Variants in EEF1E1 observed in about 807,000 individuals in gnomAD.
The protein encoded by EEF1E1 is eukaryotic translation elongation factor 1 epsilon 1.
EEF1E1 carries 19 observed loss-of-function variants against 19.9 expected under a neutral mutation model. The observed-to-expected ratio is 0.95, with a 90% CI of 0.66 to 1.40. EEF1E1 has a LOEUF of 1.40. Ranked by LOEUF, EEF1E1 falls within the 40% of genes most tolerant of loss-of-function variation. The probability of loss-of-function intolerance (pLI) is 0.00; values close to 1 mark genes in which losing one functional copy is unlikely to be tolerated. For missense variants in EEF1E1, 198 were observed against 202.2 expected, an observed-to-expected ratio of 0.98 and a Z score of 0.13; for synonymous variants, 81 against 80.0, an observed-to-expected ratio of 1.01 and a Z score of -0.07.
intron 2 of EEF1E1, among the ~76,000 whole-genome samples, chr6:8,093,325 T>A (rs1455220601): frequency 2.6e-4 from 3 of 11,756 alleles, no homozygotes; most frequent in Non-Finnish European, 1.5e-4. Flanking sequence ...ATTCGCTTCC[T>A]TTTTTTTTTT....
At chr6:8,074,334 T>C (rs563414483) in intron 3 of EEF1E1, among the ~76,000 whole-genome samples, 106 of 152,310 alleles carry the variant, frequency 7.0e-4, no homozygotes, top group Non-Finnish European at 1.3e-3. Flanking sequence ...TTTACACTTA[T>C]ACTTTTCTCA....
Position 8,097,476 on chromosome 6 carries a change from G to C in EEF1E1, c.88-9C>G. 6.3e-7 allele frequency: 1 copy of C among 1,595,982 alleles called. No homozygotes were observed. The highest frequency in any genetic ancestry group is 8.5e-7 in the Non-Finnish European group (1 of 1,172,692). ...GTCTGAAGAACTGGAATCTTAAAAA[G>C]AAAAAAAAGTTCACAGAATTTAAAA... is the stretch of plus-strand genomic sequence containing the variant. On this transcript the variant is annotated splice_polypyrimidine_tract_variant and intron_variant, in intron 1 of 3. Coordinates refer to ENST00000379715, the MANE Select transcript of EEF1E1 (RefSeq NM_004280.5).
chr6:8,093,496 T>G (rs1221332451), intron 2 of EEF1E1, among the ~76,000 whole-genome samples: 1 of 152,062 alleles, frequency 6.6e-6, no homozygotes, highest in Non-Finnish European at 1.5e-5. Flanking sequence ...CCATCTAGAC[T>G]CAACAAATGT....
intron 3 of EEF1E1, among the ~76,000 whole-genome samples, chr6:8,087,258 C>G (rs1757884498): frequency 6.6e-6 from 1 of 152,224 alleles, no homozygotes; most frequent in African/African-American, 2.4e-5. Context: ...ACTCTTGTCG[C>G]CCAAGCTGGA....
At chr6:8,099,004 A>G (rs560530042) in intron 1 of EEF1E1, among the ~76,000 whole-genome samples, 113 of 152,328 alleles carry the variant, frequency 7.4e-4, no homozygotes, top group Non-Finnish European at 1.3e-3. Flanking sequence ...GATAATAAAA[A>G]CCAAGGTTGC....
At chr6:8,077,802 T>C (rs545306786), downstream of EEF1E1, among the ~76,000 whole-genome samples, 270 of 152,276 alleles carry the variant, frequency 1.8e-3, 3 homozygotes, top group African/African-American at 6.2e-3. Context: ...TATTTATTGA[T>C]TTATTTTGAG....
chr6:8,078,967 C>T (rs1481835324), downstream of EEF1E1, among the ~76,000 whole-genome samples: 1 of 152,120 alleles, frequency 6.6e-6, no homozygotes, highest in Non-Finnish European at 1.5e-5. Context: ...AACGGGAAAG[C>T]CCCCGAAGAC....
At chr6:8,076,176 C>A (rs757848100), downstream of EEF1E1, among the ~76,000 whole-genome samples, 1 of 151,850 alleles carries the variant, frequency 6.6e-6, no homozygotes, top group African/African-American at 2.4e-5. Context: ...TATATTTTGA[C>A]CTCTTCCCGT....
chr6:8,089,453 C>G (rs1259764439), intron 3 of EEF1E1, among the ~76,000 whole-genome samples: 1 of 152,190 alleles, frequency 6.6e-6, no homozygotes, highest in Non-Finnish European at 1.5e-5. Flanking sequence ...AGTTCCAAAA[C>G]TGAAGAACTT....
intron 2 of EEF1E1, among the ~76,000 whole-genome samples, chr6:8,090,955 C>T (rs1757997615): frequency 6.6e-6 from 1 of 152,116 alleles, no homozygotes; most frequent in African/African-American, 2.4e-5. Flanking sequence ...ATAGTTGTTT[C>T]CACTTCTTGG....
chr6:8,101,914 A>G, intron 1 of EEF1E1: 1 of 1,241,196 alleles, frequency 8.1e-7, no homozygotes, highest in South Asian at 1.3e-5. Flanking sequence ...CACTCTTCCA[A>G]TTTAAATGGT....
intron 2 of EEF1E1, among the ~76,000 whole-genome samples, chr6:8,094,824 T>C (rs1200811000): frequency 6.6e-6 from 1 of 152,178 alleles, no homozygotes. Context: ...AAGTGAAGAC[T>C]ATGAGGATAA....
chr6:8,074,248 G>GA (rs772076816), intron 3 of EEF1E1, among the ~76,000 whole-genome samples: 9 of 151,692 alleles, frequency 5.9e-5, no homozygotes, highest in East Asian at 3.9e-4. Context: ...TCTTTTACAT[G>GA]AGAAAAAAAC....
rs1758203666 is a variant in EEF1E1, at chr6:8,097,381, T to C, written c.174A>G (p.Glu58=). Residue 58 remains glutamate (E), a synonymous_variant, in exon 2 of 4, where the codon GAA becomes GAG. Transcript: ENST00000379715. ...CTTCTGCAGTACTCCCCAGCAAATA[T>C]TCTTTGTTGGCTTGCTTGACTAGAT... ...AAHLVKQANK[E]YLLGSTAEEK... 5.6e-6 allele frequency: 9 copies of C among 1,614,140 alleles called. No homozygotes were observed. The highest frequency in any genetic ancestry group is 7.6e-6 in the Non-Finnish European group (9 of 1,179,990).
At chr6:8,101,639 A>G (rs1758366900) in intron 1 of EEF1E1, 1 of 769,262 alleles carries the variant, frequency 1.3e-6, no homozygotes, top group African/African-American at 1.9e-5. Flanking sequence ...ATCTCAAAGG[A>G]GCAAAAAAAA....
chr6:8,091,065 A>G (rs1176056453), intron 2 of EEF1E1, among the ~76,000 whole-genome samples: 1 of 152,242 alleles, frequency 6.6e-6, no homozygotes, highest in Non-Finnish European at 1.5e-5. Context: ...TTGCTGGACC[A>G]TATGGTAATT....
At position 8,089,597 on chromosome 6, in the gene EEF1E1, C is replaced by T. The variant is rs186679510; in HGVS notation, c.384+589G>A. Among the ~76,000 whole-genome samples the T allele has an allele frequency of 1.8e-3, 275 of 152,302 alleles. 3 individuals are homozygous for T. The highest frequency in any genetic ancestry group is 6.4e-3 in the African/African-American group (264 of 41,552). On this transcript the variant is annotated intron_variant, in intron 3 of 3. Coordinates refer to ENST00000379715, the MANE Select transcript of EEF1E1 (RefSeq NM_004280.5). ...CTGGCAGCTGATCAGATGGTGCCCA[C>T]CCAGATTAAGGTTGGGTCTGCCTTC...
intron 3 of EEF1E1, among the ~76,000 whole-genome samples, chr6:8,081,824 C>A (rs966367750): frequency 6.6e-6 from 1 of 152,200 alleles, no homozygotes; most frequent in South Asian, 2.1e-4. Context: ...AAGTTTTACT[C>A]CAACTTGATT....
At chr6:8,097,755 T>C (rs1758213740) in intron 1 of EEF1E1, among the ~76,000 whole-genome samples, 1 of 152,162 alleles carries the variant, frequency 6.6e-6, no homozygotes, top group South Asian at 2.1e-4. Flanking sequence ...CTATGTACAA[T>C]GAGAGAAAAT....
Sources: gnomAD v4.1 joint callset for allele counts (sites outside exome capture counted in the v4.1 genomes callset) on GRCh38, gnomAD v4.1.1 for gene constraint, MANE v1.5 for transcripts, NCBI Gene and HGNC (gene_info 2026-07-23, HGNC 2026-07-21) for gene names.